Variants in DHX35 observed in about 807,000 individuals in gnomAD.
The protein encoded by DHX35 is probable ATP-dependent RNA helicase DHX35.
A neutral mutation model predicts 99.6 loss-of-function variants in DHX35; 84 were observed. The observed-to-expected ratio is 0.84, with a 90% CI of 0.71 to 1.01. DHX35 has a LOEUF of 1.01. Ranked by LOEUF, DHX35 falls within the 50% of genes least tolerant of loss-of-function variation. The pLI, the probability that DHX35 is intolerant of heterozygous loss-of-function variation, is 0.00. For synonymous variants in DHX35, 331 were observed against 316.2 expected (o/e 1.05, Z -0.50); for missense variants, 852 against 888.5 (o/e 0.96, Z 0.52).
At chr20:39,014,362 T>C (rs1455792071) in intron 13 of DHX35, among the ~76,000 whole-genome samples, 1 of 152,210 alleles carries the variant, frequency 6.6e-6, no homozygotes, top group African/African-American at 2.4e-5. Flanking sequence ...CTATTATTTT[T>C]TGAAATTCAG....
chr20:38,983,994 C>T (rs1423275967), intron 4 of DHX35, among the ~76,000 whole-genome samples: 1 of 152,194 alleles, frequency 6.6e-6, no homozygotes, highest in East Asian at 1.9e-4. Flanking sequence ...ACTGCAACCT[C>T]CGCCTCCTGG....
rs190041032 is a variant in DHX35, at chr20:38,982,740, C to T, written c.268-959C>T. Among the ~76,000 whole-genome samples the T allele has an allele frequency of 7.2e-4, 110 of 152,236 alleles. 1 individual carries two copies. The highest frequency in any genetic ancestry group is 2.4e-3 in the African/African-American group (99 of 41,530). ...TCTTTTGAACACATGAGCAGGTACA[C>T]GCAGTAACTTTTAAAATCTTTTTTC... On this transcript the variant is annotated intron_variant, in intron 3 of 21. Transcript: ENST00000252011.
At chr20:38,985,395 AG>A (rs1326906078) in intron 4 of DHX35, among the ~76,000 whole-genome samples, 1 of 146,422 alleles carries the variant, frequency 6.8e-6, no homozygotes, top group Non-Finnish European at 1.5e-5. Flanking sequence ...AAAAAAAAAA[AG>A]GCTTAAAGAA....
At chr20:39,035,386 G>A (rs1052166576) in intron 21 of DHX35, among the ~76,000 whole-genome samples, 2 of 152,182 alleles carry the variant, frequency 1.3e-5, no homozygotes, top group Non-Finnish European at 2.9e-5. Context: ...TTTTAAAAGG[G>A]TTACAGCCCT....
In DHX35 at chr20:39,006,303, G is replaced by A. The variant is rs1345531566; in HGVS notation, c.1169G>A (p.Arg390Gln). 6.2e-7 allele frequency: 1 copy of A among 1,614,120 alleles called. No individual in the cohort carries two copies. Among genetic ancestry groups the A allele is most frequent in the Non-Finnish European group, 8.5e-7 (1 of 1,180,034 alleles). ...GTCTCCCAGGCATCAGCTAATCAGC[G>A]AGCAGGACGTGGTGGTCGTAGTCGC... The part of the protein sequence containing the change: ...VPVSQASANQ[R>Q]AGRGGRSRSG... The change falls in exon 12 of 22, where the codon CGA (arginine) becomes CAA (glutamine). Residue 390 changes from arginine to glutamine, a missense_variant. Transcript: ENST00000252011.
intron 8 of DHX35, among the ~76,000 whole-genome samples, chr20:38,996,357 A>C (rs930139222): frequency 3.1e-4 from 47 of 152,166 alleles, no homozygotes; most frequent in African/African-American, 1.1e-3. Context: ...CAGAGTAGGC[A>C]CTTGGGTTGA....
Position 39,021,936 on chromosome 20 carries a change from G to A in DHX35, c.1593+1G>A, listed in dbSNP as rs1459251833. On this transcript the variant is annotated splice_donor_variant, in intron 16 of 21. Coordinates refer to ENST00000252011, the MANE Select transcript of DHX35 (RefSeq NM_021931.4). LOFTEE classifies it high-confidence loss of function. ...CCCCCCAAACCAGAAGTCTCACGCAGTAAGTCAGCTCTGTCCCCAGGCTGT... is the reference window on the plus strand; with the variant it reads ...CCCCCCAAACCAGAAGTCTCACGCAATAAGTCAGCTCTGTCCCCAGGCTGT... 6.2e-7 allele frequency: 1 copy of A among 1,614,066 alleles called. No individual in the cohort carries two copies.
chr20:38,997,046 T>TTATA lies in DHX35; in HGVS notation c.642+2167_642+2168insATAT, dbSNP rs1555822478. On this transcript the variant is annotated intron_variant, in intron 8 of 21. Coordinates refer to ENST00000252011, the MANE Select transcript of DHX35 (RefSeq NM_021931.4). ...ATGTCCAAGTCTTTTCTTAGATTCA[T>TTATA]TTTATTTATTTATTTATTTATTTAT... Among the ~76,000 whole-genome samples, 333 of 149,012 alleles carry TTATA rather than the reference T, an allele frequency of 2.2e-3. 1 individual carries two copies. Among genetic ancestry groups the TTATA allele is most frequent in the African/African-American group, 8.0e-3 (321 of 40,220 alleles).
chr20:38,972,063 C>CA (rs2086009562), intron 2 of DHX35, among the ~76,000 whole-genome samples: 1 of 129,812 alleles, frequency 7.7e-6, no homozygotes, highest in Non-Finnish European at 1.5e-5. Context: ...GGCTGAAGTG[C>CA]AGTGGCATGG....
chr20:38,992,723 A>T (rs573611426), intron 7 of DHX35, among the ~76,000 whole-genome samples: 3 of 152,232 alleles, frequency 2.0e-5, no homozygotes, highest in African/African-American at 7.2e-5. Flanking sequence ...TTAACATTAC[A>T]TTAGGATCAT....
At chr20:38,974,276 G>A (rs141371906) in intron 3 of DHX35, among the ~76,000 whole-genome samples, 6 of 152,308 alleles carry the variant, frequency 3.9e-5, no homozygotes, top group East Asian at 1.9e-4. Context: ...ATGGTGTAAC[G>A]GGGTCCTCAA....
In DHX35 at chr20:38,999,489, A is replaced by T. The variant is rs62202585; in HGVS notation, c.643-2241A>T. On this transcript the variant is annotated intron_variant, in intron 8 of 21. Coordinates refer to ENST00000252011, the MANE Select transcript of DHX35 (RefSeq NM_021931.4). ...TAGCCACAGACATCCTAAACTCATA[A>T]ACTTGTGACTCTCTGATTCTCCATC... 8.5e-3 allele frequency among the ~76,000 whole-genome samples: 1,296 copies of T among 152,204 alleles called. 19 individuals carry two copies. The highest frequency in any genetic ancestry group is 0.03 in the African/African-American group (1,235 of 41,512).
intron 10 of DHX35, among the ~76,000 whole-genome samples, 175 bp from the exon 11 acceptor site, chr20:39,003,574 T>G (rs551574864): frequency 3.9e-5 from 6 of 152,364 alleles, no homozygotes; most frequent in Admixed American, 2.0e-4. Context: ...ATTGTCATCA[T>G]TGTGTATTAG....
intron 7 of DHX35, among the ~76,000 whole-genome samples, chr20:38,994,046 A>G (rs978413018): frequency 7.9e-5 from 12 of 152,316 alleles, no homozygotes; most frequent in Admixed American, 2.6e-4. Context: ...GTGTACCTGT[A>G]TGCAGGGCCT....
At chr20:39,005,546 T>C (rs993859463) in intron 11 of DHX35, among the ~76,000 whole-genome samples, 2 of 152,226 alleles carry the variant, frequency 1.3e-5, no homozygotes, top group African/African-American at 2.4e-5. Flanking sequence ...TCATATCATA[T>C]TGCCTCATTG....
chr20:38,971,439 AG>A (rs1462795957), intron 2 of DHX35, among the ~76,000 whole-genome samples: 1 of 152,178 alleles, frequency 6.6e-6, no homozygotes, highest in East Asian at 1.9e-4. Context: ...CACCATTATG[AG>A]GCCACCTGTT....
intron 1 of DHX35, among the ~76,000 whole-genome samples, chr20:38,966,510 A>C (rs1198243235): frequency 1.3e-5 from 2 of 152,192 alleles, no homozygotes. Flanking sequence ...TCTCTACTAA[A>C]AATACAAAAT....
At chr20:38,988,133 C>A (rs1365841121) in intron 4 of DHX35, among the ~76,000 whole-genome samples, 1 of 152,124 alleles carries the variant, frequency 6.6e-6, no homozygotes, top group South Asian at 2.1e-4. Flanking sequence ...CTTTGGCCAC[C>A]AAATTTAGAG....
intron 14 of DHX35, among the ~76,000 whole-genome samples, chr20:39,017,170 A>T (rs534027195): frequency 6.6e-6 from 1 of 152,244 alleles, no homozygotes; most frequent in Non-Finnish European, 1.5e-5. Flanking sequence ...CCCTTACATT[A>T]GGTCTGATCC....
Sources: allele counts gnomAD v4.1 joint callset (sites outside exome capture counted in the v4.1 genomes callset), GRCh38; gene constraint gnomAD v4.1.1; transcripts MANE v1.5; gene names NCBI Gene and HGNC (gene_info 2026-07-23, HGNC 2026-07-21).